The following PTPRM variants were observed in gnomAD, a reference collection of about 807,000 sequenced individuals.
PTPRM encodes protein tyrosine phosphatase receptor type M, also known as receptor-type tyrosine-protein phosphatase mu.
A neutral mutation model predicts 186.7 loss-of-function variants in PTPRM; 47 were observed. That is an observed-to-expected ratio of 0.25 (90% CI 0.20 to 0.32). The LOEUF (loss-of-function observed/expected upper bound fraction) is 0.32. Among genes scored for constraint, PTPRM ranks in the 10% least tolerant of loss-of-function variants. The probability of loss-of-function intolerance (pLI) is 1.00; values close to 1 mark genes in which losing one functional copy is unlikely to be tolerated. For missense variants in PTPRM, 1,494 were observed against 1,865.0 expected, an observed-to-expected ratio of 0.80 and a Z score of 3.66; for synonymous variants, 668 against 674.9, an observed-to-expected ratio of 0.99 and a Z score of 0.16.
chr18:7,627,707 A>G (rs1780720799), intron 1 of PTPRM, among the ~76,000 whole-genome samples: 1 of 152,246 alleles, frequency 6.6e-6, no homozygotes, highest in Admixed American at 6.5e-5. Flanking sequence ...GGCTTTGCCA[A>G]TGTTAAATGC....
chr18:7,776,839 A>G (rs2042607685), intron 2 of PTPRM, among the ~76,000 whole-genome samples: 1 of 152,156 alleles, frequency 6.6e-6, no homozygotes, highest in Non-Finnish European at 1.5e-5. Context: ...TTCTCAAAGC[A>G]CCGTTGTTAG....
intron 31 of PTPRM, among the ~76,000 whole-genome samples, chr18:8,394,077 T>C (rs952988684): frequency 1.3e-5 from 2 of 152,118 alleles, no homozygotes; most frequent in Non-Finnish European, 2.9e-5. Flanking sequence ...CAGGTGTGAG[T>C]CACTGCGCCC....
chr18:7,901,093 A>G (rs372219640), intron 3 of PTPRM, among the ~76,000 whole-genome samples: 6 of 152,180 alleles, frequency 3.9e-5, no homozygotes, highest in Admixed American at 6.5e-5. Context: ...GGCATTTTCA[A>G]ACATTCCTAT....
At chr18:8,326,473 C>T (rs2095377113) in intron 22 of PTPRM, among the ~76,000 whole-genome samples, 1 of 152,126 alleles carries the variant, frequency 6.6e-6, no homozygotes, top group Admixed American at 6.5e-5. Flanking sequence ...GCCCAAATAG[C>T]CAAGGCAATC....
intron 1 of PTPRM, among the ~76,000 whole-genome samples, chr18:7,772,201 C>G (rs2144913644): frequency 6.6e-6 from 1 of 152,072 alleles, no homozygotes; most frequent in East Asian, 1.9e-4. Context: ...AACATGACAG[C>G]TCTTTTCAAA....
chr18:7,927,076 A>G (rs536771418), intron 5 of PTPRM, among the ~76,000 whole-genome samples: 11 of 152,150 alleles, frequency 7.2e-5, no homozygotes, highest in African/African-American at 2.6e-4. Flanking sequence ...CCTTTTTGTC[A>G]TTTGAATTTC....
intron 7 of PTPRM, among the ~76,000 whole-genome samples, chr18:7,992,658 G>C (rs968678968): frequency 6.6e-6 from 1 of 152,074 alleles, no homozygotes; most frequent in Non-Finnish European, 1.5e-5. Context: ...TATTGTCATT[G>C]ATAGGTTCTG....
chr18:8,157,139 G>A (rs2093138168), intron 14 of PTPRM, among the ~76,000 whole-genome samples: 1 of 152,170 alleles, frequency 6.6e-6, no homozygotes, highest in African/African-American at 2.4e-5. Flanking sequence ...CTTACTGGCT[G>A]TGTGATCTTA....
intron 2 of PTPRM, among the ~76,000 whole-genome samples, chr18:7,875,821 G>A (rs1359368130): frequency 6.6e-6 from 1 of 152,156 alleles, no homozygotes; most frequent in Non-Finnish European, 1.5e-5. Flanking sequence ...TCTGAGAAAT[G>A]TATCGTCAGG....
At chr18:7,759,770 C>A (rs917385815) in intron 1 of PTPRM, among the ~76,000 whole-genome samples, 46 of 152,064 alleles carry the variant, frequency 3.0e-4, no homozygotes, top group African/African-American at 1.0e-3. Flanking sequence ...ATATTATGTT[C>A]TTTTGAGTTT....
At chr18:8,352,652 G>C (rs964880184) in intron 23 of PTPRM, among the ~76,000 whole-genome samples, 1 of 102,226 alleles carries the variant, frequency 9.8e-6, no homozygotes, top group Non-Finnish European at 2.2e-5. Context: ...TTTTTGGTTT[G>C]GTTTTTTTTG....
chr18:8,213,574 G>T (rs1223458207), intron 14 of PTPRM, among the ~76,000 whole-genome samples: 1 of 152,124 alleles, frequency 6.6e-6, no homozygotes. Flanking sequence ...AGGGCTTCTG[G>T]TGGTGACAGT....
chr18:7,892,610 T>C (rs563200877), intron 3 of PTPRM, among the ~76,000 whole-genome samples: 13 of 152,330 alleles, frequency 8.5e-5, no homozygotes, highest in African/African-American at 3.1e-4. Flanking sequence ...TTTTTTCTCA[T>C]AGCTTTTTGG....
intron 14 of PTPRM, among the ~76,000 whole-genome samples, chr18:8,147,704 G>T (rs1435337785): frequency 6.6e-6 from 1 of 152,168 alleles, no homozygotes; most frequent in Admixed American, 6.5e-5. Flanking sequence ...GAGTGAGAGA[G>T]GACATCCTTG....
intron 1 of PTPRM, among the ~76,000 whole-genome samples, chr18:7,730,906 T>A (rs2040645210): frequency 6.6e-6 from 1 of 152,194 alleles, no homozygotes; most frequent in Non-Finnish European, 1.5e-5. Context: ...AGTGTCACAT[T>A]GATCTGATGG....
chr18:8,188,527 C>T (rs905008976), intron 14 of PTPRM, among the ~76,000 whole-genome samples: 1 of 152,284 alleles, frequency 6.6e-6, no homozygotes, highest in African/African-American at 2.4e-5. Context: ...CGTGACGAAA[C>T]GCACATAGAG....
At chr18:8,045,419 T>C (rs1478792172) in intron 7 of PTPRM, among the ~76,000 whole-genome samples, 1 of 152,192 alleles carries the variant, frequency 6.6e-6, no homozygotes. Context: ...AACATATAGT[T>C]CTCATCAACT....
chr18:7,759,100 C>G (rs1598548310), intron 1 of PTPRM, among the ~76,000 whole-genome samples: 1 of 152,306 alleles, frequency 6.6e-6, no homozygotes, highest in East Asian at 1.9e-4. Flanking sequence ...TTAAACCTTA[C>G]AGAAATTGAG....
intron 1 of PTPRM, among the ~76,000 whole-genome samples, chr18:7,583,774 C>T (rs1043158212): frequency 1.1e-4 from 16 of 152,094 alleles, no homozygotes; most frequent in Admixed American, 1.3e-4. Flanking sequence ...GTTTTCCATC[C>T]GAATATCTGT....
Sources: allele counts gnomAD v4.1 joint callset (sites outside exome capture counted in the v4.1 genomes callset), GRCh38; gene constraint gnomAD v4.1.1; transcripts MANE v1.5; gene names NCBI Gene and HGNC (gene_info 2026-07-23, HGNC 2026-07-21).